The following RGS6 variants were observed in gnomAD, a reference collection of about 807,000 sequenced individuals.
The protein encoded by RGS6 is regulator of G-protein signaling 6.
RGS6 carries 30 observed loss-of-function variants against 78.5 expected under a neutral mutation model. The observed-to-expected ratio is 0.38, with a 90% CI of 0.29 to 0.52. The LOEUF is 0.52. RGS6 is among the 20% of genes least tolerant of loss of function. The pLI is 0.85. For synonymous variants in RGS6, 206 were observed against 206.0 expected (o/e 1.00, Z 0.00); for missense variants, 495 against 609.7 (o/e 0.81, Z 1.98).
intron 2 of RGS6, among the ~76,000 whole-genome samples, chr14:72,241,382 C>G (rs2052780981): frequency 6.6e-6 from 1 of 152,118 alleles, no homozygotes; most frequent in Non-Finnish European, 1.5e-5. Flanking sequence ...GCTCTCCAGA[C>G]AATAGTTAAT....
At chr14:72,223,335 G>A (rs142649141) in intron 2 of RGS6, among the ~76,000 whole-genome samples, 3 of 152,300 alleles carry the variant, frequency 2.0e-5, no homozygotes, top group East Asian at 1.9e-4. Context: ...AAATGGCGAC[G>A]TAGCATTGAG....
intron 2 of RGS6, among the ~76,000 whole-genome samples, chr14:72,114,172 A>G (rs2095837161): frequency 6.6e-6 from 1 of 152,158 alleles, no homozygotes; most frequent in South Asian, 2.1e-4. Flanking sequence ...TGTGTCAGAC[A>G]GAGAGAGAGG....
intron 2 of RGS6, among the ~76,000 whole-genome samples, chr14:72,159,708 T>C (rs2096826397): frequency 6.6e-6 from 1 of 152,172 alleles, no homozygotes; most frequent in Non-Finnish European, 1.5e-5. Flanking sequence ...TTTTTTCCTA[T>C]GGCTCCTAAT....
At chr14:72,266,557 G>A (rs185152538) in intron 2 of RGS6, among the ~76,000 whole-genome samples, 1 of 152,276 alleles carries the variant, frequency 6.6e-6, no homozygotes, top group East Asian at 1.9e-4. Context: ...AACCTAAACT[G>A]TCTCATAAGT....
rs2096046551 is a variant in RGS6 at position 72,470,521 on chromosome 14, G to GA, written c.536+443dup. Among the ~76,000 whole-genome samples, 3 of 152,260 alleles carry GA rather than the reference G, an allele frequency of 2.0e-5. No homozygotes were observed. In the South Asian group the frequency reaches 6.2e-4, roughly 32 times the overall value. On this transcript the variant is annotated intron_variant, in intron 8 of 17. Transcript: ENST00000553525. The stretch of plus-strand genomic sequence containing the variant: ...ACAGGGGAGGAGTTTAGAACCAACA[G>GA]AAAAAGAAGGCACAGAAGTCAGACA...
chr14:72,206,993 G>A (rs2042871901), intron 2 of RGS6, among the ~76,000 whole-genome samples: 1 of 152,134 alleles, frequency 6.6e-6, no homozygotes, highest in South Asian at 2.1e-4. Flanking sequence ...CTGCTTTGCT[G>A]TGTATCCTTG....
intron 2 of RGS6, among the ~76,000 whole-genome samples, chr14:72,238,674 C>G (rs2051861040): frequency 6.6e-6 from 1 of 152,064 alleles, no homozygotes; most frequent in African/African-American, 2.4e-5. Flanking sequence ...TGAAAAGTGA[C>G]CTAAGCCAAT....
chr14:72,484,690 C>T (rs1422997699), intron 12 of RGS6, among the ~76,000 whole-genome samples: 2 of 152,054 alleles, frequency 1.3e-5, no homozygotes, highest in South Asian at 2.1e-4. Context: ...ATTTCCTTCC[C>T]CTCCATGTTT....
chr14:72,357,796 T>C (rs1398408022), intron 3 of RGS6, among the ~76,000 whole-genome samples: 1 of 152,216 alleles, frequency 6.6e-6, no homozygotes, highest in Admixed American at 6.5e-5. Flanking sequence ...TCAAGCTGGC[T>C]GCAGAAATTT....
At chr14:72,388,442 A>T (rs1020080995) in intron 3 of RGS6, among the ~76,000 whole-genome samples, 5 of 152,204 alleles carry the variant, frequency 3.3e-5, no homozygotes, top group Non-Finnish European at 7.3e-5. Context: ...TACAGCCATC[A>T]TACACAGCTG....
intron 2 of RGS6, among the ~76,000 whole-genome samples, chr14:72,244,828 C>CTT (rs56904507): frequency 5.3e-4 from 77 of 145,508 alleles, no homozygotes; most frequent in African/African-American, 1.4e-3. Flanking sequence ...AAAAATTGGT[C>CTT]TTTTTTTTTT....
At chr14:72,273,748 A>C (rs1233305605) in intron 2 of RGS6, among the ~76,000 whole-genome samples, 1 of 152,192 alleles carries the variant, frequency 6.6e-6, no homozygotes, top group African/African-American at 2.4e-5. Context: ...TTGCTCAAGA[A>C]AGATCTTTGG....
At chr14:72,233,029 G>A (rs1219745476) in intron 2 of RGS6, among the ~76,000 whole-genome samples, 1 of 152,180 alleles carries the variant, frequency 6.6e-6, no homozygotes, top group Non-Finnish European at 1.5e-5. Context: ...CTCTCAGGAT[G>A]CTTAACTCCT....
At chr14:72,122,290 A>G (rs1597948224) in intron 2 of RGS6, among the ~76,000 whole-genome samples, 13 of 152,082 alleles carry the variant, frequency 8.5e-5, no homozygotes, top group Admixed American at 8.5e-4. Flanking sequence ...CAGAGTTTGA[A>G]CCCAAGTCAA....
At chr14:72,432,814 C>T (rs2153170903) in intron 3 of RGS6, among the ~76,000 whole-genome samples, 1 of 152,284 alleles carries the variant, frequency 6.6e-6, no homozygotes, top group Middle Eastern at 3.4e-3. Context: ...GACCCCAGGA[C>T]CATGTTTCTA....
chr14:72,102,162 A>G (rs1193832104), intron 2 of RGS6, among the ~76,000 whole-genome samples: 1 of 152,214 alleles, frequency 6.6e-6, no homozygotes, highest in Non-Finnish European at 1.5e-5. Flanking sequence ...CTCTCTGAGT[A>G]TATTCCAAAT....
chr14:72,134,634 G>A (rs1159197179), intron 2 of RGS6, among the ~76,000 whole-genome samples: 2 of 152,190 alleles, frequency 1.3e-5, no homozygotes, highest in Admixed American at 1.3e-4. Context: ...CTTATTATGG[G>A]AATTGGCTCA....
intron 2 of RGS6, among the ~76,000 whole-genome samples, chr14:72,085,847 C>T (rs1048383296): frequency 2.1e-5 from 2 of 95,862 alleles, no homozygotes; most frequent in African/African-American, 8.4e-5. Context: ...GAGTGAGACA[C>T]CATCTCAAAA....
At chr14:72,156,958 C>A (rs2096781722) in intron 2 of RGS6, among the ~76,000 whole-genome samples, 1 of 152,114 alleles carries the variant, frequency 6.6e-6, no homozygotes. Flanking sequence ...GGTTTGGAAC[C>A]AGGAGGTCTG....
Sources: allele counts gnomAD v4.1 joint callset (sites outside exome capture counted in the v4.1 genomes callset), GRCh38; gene constraint gnomAD v4.1.1; transcripts MANE v1.5; gene names NCBI Gene and HGNC (gene_info 2026-07-23, HGNC 2026-07-21).